The following SAFB2 variants were observed in gnomAD, a reference collection of about 807,000 sequenced individuals.
The protein encoded by SAFB2 is scaffold attachment factor B2.
SAFB2 carries 32 observed loss-of-function variants against 100.6 expected under a neutral mutation model. The observed-to-expected ratio is 0.32, with a 90% CI of 0.24 to 0.43. SAFB2 has a LOEUF of 0.43. Ranked by LOEUF, SAFB2 falls within the 20% of genes least tolerant of loss-of-function variation. The pLI, the probability that SAFB2 is intolerant of heterozygous loss-of-function variation, is 1.00. For synonymous variants in SAFB2, 500 were observed against 439.4 expected (o/e 1.14, Z -1.72); for missense variants, 1,185 against 1,163.4 (o/e 1.02, Z -0.27).
chr19:5,588,211 G>T (rs1033994406), intron 18 of SAFB2, among the ~76,000 whole-genome samples: 5 of 152,154 alleles, frequency 3.3e-5, no homozygotes, highest in Admixed American at 1.3e-4. Context: ...GCCACACCGA[G>T]ATGCTACCTC....
In SAFB2 at chr19:5,621,294, G is replaced by A. The variant is rs1264257044; in HGVS notation, c.274+15C>T. 5 of 1,541,850 alleles carry A rather than the reference G, an allele frequency of 3.2e-6. No individual in the cohort carries two copies. The South Asian group carries it at 3.3e-5, about 10-fold the overall frequency. On this transcript the variant is annotated intron_variant, in intron 2 of 20. Coordinates refer to ENST00000252542, the MANE Select transcript of SAFB2 (RefSeq NM_014649.3). Reference sequence around the variant, plus strand: ...TCTCTGAACACTCAAGCCCCAAGCAGCATATGTACAATACCTTTAACACAT... The same window carrying A: ...TCTCTGAACACTCAAGCCCCAAGCAACATATGTACAATACCTTTAACACAT...
rs982507765 is a variant in SAFB2 at position 5,598,821 on chromosome 19, A to C, written c.1754T>G (p.Val585Gly). ...DKSKGEPVIS[V>G]KTTSRSKERS... ...CTCTTTGGACCTGCTTGTGGTTTTCACGCTAATGACGGGCTCTCCTTTCGA... is the reference window on the plus strand; with the variant it reads ...CTCTTTGGACCTGCTTGTGGTTTTCCCGCTAATGACGGGCTCTCCTTTCGA... Residue 585 changes from valine (V) to glycine (G), a missense_variant, in exon 13 of 21, where the codon GTG becomes GGG. Val to Gly is a moderately radical substitution (Grantham distance 109, BLOSUM62 -3). Coordinates refer to ENST00000252542, the MANE Select transcript of SAFB2 (RefSeq NM_014649.3). 1 of 1,614,014 alleles carries C rather than the reference A, an allele frequency of 6.2e-7. No individual in the cohort carries two copies. Among genetic ancestry groups the C allele is most frequent in the Admixed American group, 1.7e-5 (1 of 59,990 alleles).
chr19:5,610,162 A>C, intron 8 of SAFB2, 67 bp from the exon 9 acceptor site: 1 of 1,314,134 alleles, frequency 7.6e-7, no homozygotes. Context: ...CATTCTTAAG[A>C]CCGCAGCCCT....
chr19:5,615,106 GCA>G (rs2052995993), intron 4 of SAFB2, among the ~76,000 whole-genome samples: 2 of 152,192 alleles, frequency 1.3e-5, no homozygotes, highest in South Asian at 4.1e-4. Context: ...TGTAATCCCA[GCA>G]CTTTGGGAGG....
chr19:5,620,032 G>T (rs2053108881), intron 2 of SAFB2, among the ~76,000 whole-genome samples: 1 of 152,138 alleles, frequency 6.6e-6, no homozygotes, highest in Non-Finnish European at 1.5e-5. Context: ...CACCTAAACA[G>T]AAGAGATAAA....
chr19:5,612,628 A>C (rs2052932905), intron 5 of SAFB2, 61 bp from the exon 6 acceptor site: 9 of 1,324,568 alleles, frequency 6.8e-6, no homozygotes, highest in Middle Eastern at 1.8e-4. Context: ...CATACATTTC[A>C]CCAGTAAATA....
chr19:5,587,520 AATC>A lies in SAFB2; in HGVS notation c.2706-124_2706-122del. 6.8e-7 allele frequency: 1 copy of A among 1,478,112 alleles called. No homozygotes were observed. The highest frequency in any genetic ancestry group is 1.4e-5 in the South Asian group (1 of 73,224). The allele number at this position is 1,478,112 out of a possible 1,614,324, so 91.6% of individuals were successfully genotyped here. ...TTGGGTTTTTTTTCCAGGTGAGAAA[AATC>A]ATCATCGCACATTGTATTCCAGGTA... On this transcript the variant is annotated intron_variant, in intron 20 of 20. Coordinates refer to ENST00000252542, the MANE Select transcript of SAFB2 (RefSeq NM_014649.3). The surrounding 1 kb of genome is among the most constrained non-coding windows in gnomAD (Gnocchi z 4.9).
intron 4 of SAFB2, 28 bp from the exon 5 acceptor site, chr19:5,613,555 G>A (rs377092878): frequency 7.5e-6 from 12 of 1,608,862 alleles, no homozygotes; most frequent in Middle Eastern, 1.7e-4. Context: ...AGATGACTTC[G>A]TGGAGGCTGG....
chr19:5,602,912 C>A (rs2052695662), intron 11 of SAFB2, among the ~76,000 whole-genome samples: 1 of 145,712 alleles, frequency 6.9e-6, no homozygotes. Context: ...CTCACCGCCC[C>A]CCCCACCCCC....
intron 2 of SAFB2, among the ~76,000 whole-genome samples, chr19:5,620,131 CA>C (rs879945233): frequency 6.6e-6 from 1 of 152,170 alleles, no homozygotes; most frequent in African/African-American, 2.4e-5. Flanking sequence ...ACAAGAACAG[CA>C]AAAACGCATC....
At chr19:5,591,718 C>T (rs372303900) in intron 17 of SAFB2, 30 bp downstream of exon 17, 7 of 1,609,568 alleles carry the variant, frequency 4.3e-6, no homozygotes, top group East Asian at 4.5e-5. Context: ...GTACAGTGGC[C>T]CCAGGGCTTG....
chr19:5,590,280 G>C lies in SAFB2; in HGVS notation c.2523C>G (p.Pro841=), dbSNP rs117896034. ...CCGGCTGGGGCTCACCCACTAACCT[G>C]GGGGGAGGGGGCAGCCCCCGGCCTT... ...LSEGRGLPPP[P]RGGRDWGEHN... is the part of the protein sequence containing the mutation. The change falls in exon 18 of 21, where the codon CCC becomes CCG. Residue 841 remains proline (P), a splice_region_variant and synonymous_variant. Coordinates refer to ENST00000252542, the MANE Select transcript of SAFB2 (RefSeq NM_014649.3). The C allele has an allele frequency of 6.3e-7, 1 of 1,590,588 alleles. No homozygotes were observed. The highest frequency in any genetic ancestry group is 1.1e-5 in the South Asian group (1 of 87,328).
At chr19:5,609,292 A>G (rs1016491743) in intron 9 of SAFB2, among the ~76,000 whole-genome samples, 19 of 145,268 alleles carry the variant, frequency 1.3e-4, no homozygotes, top group African/African-American at 4.8e-4. Flanking sequence ...TCAATTATTC[A>G]CTTCATTCTT....
In SAFB2 at chr19:5,622,622, C is replaced by A; in HGVS notation, c.94G>T (p.Glu32Ter). The part of the protein sequence containing the change: ...VAETGTRRLS[E>*]LRVIDLRAEL... ...GCCCGCAGATCGATCACCCGCAGCT[C>A]GCTGAGCCGCCTCGTCCCAGTCTCC... The change falls in exon 1 of 21, where the codon GAG becomes TAG. Residue 32 changes from glutamate to a stop codon, truncating the protein, a stop_gained. Transcript: ENST00000252542. LOFTEE classifies it high-confidence loss of function. 1 of 1,612,356 alleles carries A rather than the reference C, an allele frequency of 6.2e-7. No homozygotes were observed.
intron 18 of SAFB2, among the ~76,000 whole-genome samples, chr19:5,589,252 C>T (rs2052334927): frequency 6.6e-6 from 1 of 152,202 alleles, no homozygotes; most frequent in Admixed American, 6.5e-5. Context: ...CAGCAAGCGA[C>T]AGGACAGGAA....
chr19:5,595,296 C>G (rs990939321), intron 14 of SAFB2, 65 bp downstream of exon 14: 1 of 1,570,304 alleles, frequency 6.4e-7, no homozygotes, highest in African/African-American at 1.4e-5. Context: ...CCAAGTACAG[C>G]TGGGAGAAGG....
In SAFB2 at chr19:5,594,088, G is replaced by T. The variant is rs779638026; in HGVS notation, c.2010C>A (p.Leu670=). 1 of 1,597,938 alleles carries T rather than the reference G, an allele frequency of 6.3e-7. No individual in the cohort carries two copies. The highest frequency in any genetic ancestry group is 2.2e-5 in the East Asian group (1 of 44,548). ...GCTCCAGCCGCTGGCGCTGGCACTC[G>T]AGCTGCAGGCGTTCCCGCTGTAGCC... The part of the protein sequence containing the change: ...KARLQRERLQ[L]ECQRQRLERE... Residue 670 remains leucine, a synonymous_variant, in exon 15 of 21, where the codon CTC becomes CTA. Coordinates refer to ENST00000252542, the MANE Select transcript of SAFB2 (RefSeq NM_014649.3).
At chr19:5,613,237 T>C (rs546153514) in intron 5 of SAFB2, among the ~76,000 whole-genome samples, 2 of 152,346 alleles carry the variant, frequency 1.3e-5, no homozygotes, top group East Asian at 3.9e-4. Flanking sequence ...CCACCAGAAC[T>C]GCTCCCTCAT....
At chr19:5,603,171 G>A (rs554692322) in intron 11 of SAFB2, among the ~76,000 whole-genome samples, 2 of 152,300 alleles carry the variant, frequency 1.3e-5, no homozygotes, top group South Asian at 2.1e-4. Flanking sequence ...GGGAGGCTGA[G>A]GTGGGAGGTT....
Sources: allele counts gnomAD v4.1 joint callset (sites outside exome capture counted in the v4.1 genomes callset), GRCh38; gene constraint gnomAD v4.1.1; non-coding constraint Gnocchi (gnomAD v3.1); transcripts MANE v1.5; gene names NCBI Gene and HGNC (gene_info 2026-07-23, HGNC 2026-07-21).